Variants in PDE10A observed in about 807,000 individuals in gnomAD.
PDE10A encodes the protein cAMP and cAMP-inhibited cGMP 3',5'-cyclic phosphodiesterase 10A.
In PDE10A, 39 loss-of-function variants were observed where a neutral mutation model predicts 97.7. That is an observed-to-expected ratio of 0.40 (90% CI 0.31 to 0.52). The LOEUF (loss-of-function observed/expected upper bound fraction) is 0.52. Among genes scored for constraint, PDE10A ranks in the 20% least tolerant of loss-of-function variants. The probability of loss-of-function intolerance (pLI) is 0.56; values close to 1 mark genes in which losing one functional copy is unlikely to be tolerated. For missense variants in PDE10A, 731 were observed against 1,047.8 expected (o/e 0.70, Z 4.17); for synonymous variants, 371 against 376.8 (o/e 0.98, Z 0.18).
chr6:165,951,157 T>C (rs1194340062), intron 1 of PDE10A, among the ~76,000 whole-genome samples: 4 of 152,196 alleles, frequency 2.6e-5, no homozygotes, highest in African/African-American at 9.7e-5. Context: ...TCTGAAAAAC[T>C]ACCTCCGAAC....
At chr6:165,694,555 C>T (rs547406993) in intron 1 of PDE10A, among the ~76,000 whole-genome samples, 6 of 151,708 alleles carry the variant, frequency 4.0e-5, no homozygotes, top group South Asian at 2.1e-4. Flanking sequence ...GAGCAGCGGG[C>T]GGTGTCGGGA....
chr6:165,441,362 ATTTTGT>A (rs888033660), intron 5 of PDE10A, among the ~76,000 whole-genome samples: 1 of 152,170 alleles, frequency 6.6e-6, no homozygotes, highest in East Asian at 1.9e-4. Context: ...GTGAGAAATA[ATTTTGT>A]TTTTGTATGC....
chr6:165,702,908 G>T (rs535240364), intron 1 of PDE10A, among the ~76,000 whole-genome samples: 1 of 152,312 alleles, frequency 6.6e-6, no homozygotes, highest in Admixed American at 6.5e-5. Context: ...CCGTGGGAAA[G>T]GCTGAACACT....
intron 18 of PDE10A, among the ~76,000 whole-genome samples, chr6:165,365,687 T>C (rs116083268): frequency 0.013 from 2,046 of 152,262 alleles, 41 homozygotes; most frequent in African/African-American, 0.047. Context: ...GCCACTGTAC[T>C]TAAGCCTGGG....
chr6:165,862,233 T>C (rs1780924678), intron 1 of PDE10A, among the ~76,000 whole-genome samples: 1 of 152,212 alleles, frequency 6.6e-6, no homozygotes, highest in South Asian at 2.1e-4. Context: ...ATTCGGTGAT[T>C]TTCCTCCAGT....
chr6:165,742,914 C>CCAGCACTTG (rs911822727), intron 1 of PDE10A, among the ~76,000 whole-genome samples: 8 of 152,164 alleles, frequency 5.3e-5, no homozygotes, highest in African/African-American at 1.9e-4. Context: ...TTCTGAGCAC[C>CCAGCACTTG]CAGCACTTGC....
intron 1 of PDE10A, among the ~76,000 whole-genome samples, chr6:165,624,674 T>C (rs554597559): frequency 6.6e-6 from 1 of 152,304 alleles, no homozygotes; most frequent in Admixed American, 6.5e-5. Flanking sequence ...AAAACTTCAC[T>C]GAGCAGCAGC....
intron 15 of PDE10A, 109 bp downstream of exon 15, chr6:165,395,072 G>C (rs1786050654): frequency 1.6e-6 from 1 of 637,396 alleles, no homozygotes; most frequent in Non-Finnish European, 2.8e-6. Flanking sequence ...TATACATGCA[G>C]TATTTAAAAA....
At chr6:165,541,351 G>A (rs927850670) in intron 2 of PDE10A, among the ~76,000 whole-genome samples, 25 of 152,112 alleles carry the variant, frequency 1.6e-4, no homozygotes, top group African/African-American at 6.0e-4. Flanking sequence ...GAATAACTGA[G>A]TAGAGTTTCA....
chr6:165,423,684 G>A (rs1309602057), intron 10 of PDE10A, among the ~76,000 whole-genome samples: 12 of 152,176 alleles, frequency 7.9e-5, no homozygotes, highest in South Asian at 2.1e-4. Flanking sequence ...TGGCCAACAT[G>A]GTGAAACCCC....
At chr6:165,446,747 C>T (rs947782710) in intron 5 of PDE10A, among the ~76,000 whole-genome samples, 4 of 152,050 alleles carry the variant, frequency 2.6e-5, no homozygotes, top group Non-Finnish European at 2.9e-5. Context: ...GAGACAGCTA[C>T]AATTTTGCTA....
intron 10 of PDE10A, among the ~76,000 whole-genome samples, chr6:165,428,170 A>C (rs1387203916): frequency 6.6e-6 from 1 of 152,170 alleles, no homozygotes; most frequent in Admixed American, 6.5e-5. Flanking sequence ...TCTGACAACT[A>C]GAAGCCACTT....
At chr6:165,882,370 T>C (rs1781506141) in intron 1 of PDE10A, among the ~76,000 whole-genome samples, 2 of 152,246 alleles carry the variant, frequency 1.3e-5, no homozygotes, top group South Asian at 4.1e-4. Context: ...TGGTGTTGTA[T>C]GAATGAATAA....
At chr6:165,950,137 T>G (rs1412251221) in intron 1 of PDE10A, among the ~76,000 whole-genome samples, 5 of 152,214 alleles carry the variant, frequency 3.3e-5, no homozygotes, top group African/African-American at 1.2e-4. Flanking sequence ...CAGATTGGCT[T>G]GAAAATATGA....
rs940507469 is a variant in PDE10A at position 165,942,364 on chromosome 6, C to T, written c.-615+45165G>A. 6.2e-4 allele frequency among the ~76,000 whole-genome samples: 95 copies of T among 152,066 alleles called. 1 individual carries two copies. Among genetic ancestry groups the T allele is most frequent in the African/African-American group, 2.3e-3 (94 of 41,468 alleles). ...TTCACAAAATAAAGACTCCCTGAAG[C>T]TTGTTATTGTTCCCTGTTTTGTTTC... On this transcript the variant is annotated intron_variant, in intron 1 of 19. Coordinates refer to the PDE10A transcript ENST00000366882.
Position 165,636,695 on chromosome 6 carries a change from T to C in PDE10A, c.865+25252A>G, listed in dbSNP as rs548786946. On this transcript the variant is annotated intron_variant, in intron 1 of 21. Coordinates refer to ENST00000539869, the MANE Select transcript of PDE10A (RefSeq NM_001385079.1). ...AAGCTATTATTTTGCAAAAACTGGA[T>C]AGACTGTTTATGCATCTGCCCGAAC... 5.1e-4 allele frequency among the ~76,000 whole-genome samples: 78 copies of C among 152,344 alleles called. 1 individual carries two copies. Among genetic ancestry groups the C allele is most frequent in the African/African-American group, 1.8e-3 (75 of 41,578 alleles).
chr6:165,358,602 AT>A (rs989577091), intron 18 of PDE10A, among the ~76,000 whole-genome samples: 8 of 151,856 alleles, frequency 5.3e-5, no homozygotes, highest in Admixed American at 3.3e-4. Flanking sequence ...CATAGACAAC[AT>A]GGAACTCGGT....
At chr6:165,932,019 C>T (rs1401449198) in intron 1 of PDE10A, among the ~76,000 whole-genome samples, 1 of 152,178 alleles carries the variant, frequency 6.6e-6, no homozygotes, top group Admixed American at 6.5e-5. Context: ...ACAGCACAGC[C>T]TTGGCAAGTG....
chr6:165,333,156 A>T, intron 21 of PDE10A, 29 bp from the exon 22 acceptor site: 1 of 1,291,080 alleles, frequency 7.7e-7, no homozygotes, highest in Admixed American at 1.7e-5. Context: ...GTTTCAGGAG[A>T]AGCTGAATAA....
Sources: allele counts gnomAD v4.1 joint callset (sites outside exome capture counted in the v4.1 genomes callset), GRCh38; gene constraint gnomAD v4.1.1; transcripts MANE v1.5; gene names NCBI Gene and HGNC (gene_info 2026-07-23, HGNC 2026-07-21).